The following LTA4H variants were observed in gnomAD, a reference collection of about 807,000 sequenced individuals.
LTA4H encodes the protein leukotriene A-4 hydrolase.
Under a neutral mutation model 89.8 loss-of-function variants are expected in LTA4H, and 59 were observed. That is an observed-to-expected ratio of 0.66 (90% CI 0.53 to 0.82). The LOEUF is 0.82. Among genes scored for constraint, LTA4H ranks in the 40% least tolerant of loss-of-function variants. The pLI is 0.00. For synonymous variants in LTA4H, 227 were observed against 253.1 expected, an observed-to-expected ratio of 0.90 and a Z score of 0.98; for missense variants, 617 against 727.0, an observed-to-expected ratio of 0.85 and a Z score of 1.74.
intron 6 of LTA4H, 45 bp downstream of exon 6, chr12:96,021,040 A>T: frequency 6.5e-7 from 1 of 1,529,518 alleles, no homozygotes; most frequent in Non-Finnish European, 8.9e-7. Context: ...AAGATGCCTA[A>T]GTTTTGATCT....
intron 1 of LTA4H, among the ~76,000 whole-genome samples, chr12:96,041,408 TC>T (rs1468153118): frequency 2.0e-5 from 3 of 152,286 alleles, no homozygotes; most frequent in Admixed American, 6.5e-5. Flanking sequence ...CAGAATGGTT[TC>T]CTCCCTTTGC....
intron 1 of LTA4H, among the ~76,000 whole-genome samples, chr12:96,031,229 G>C (rs1487816698): frequency 6.6e-6 from 1 of 152,156 alleles, no homozygotes; most frequent in Non-Finnish European, 1.5e-5. Context: ...TTCTAAAACA[G>C]AGAATGTTAC....
chr12:96,037,567 A>T (rs1566020988), upstream of LTA4H, among the ~76,000 whole-genome samples: 2 of 152,206 alleles, frequency 1.3e-5, no homozygotes, highest in Non-Finnish European at 2.9e-5. Flanking sequence ...GATGGAAGCC[A>T]GAGAGTAGTG....
At chr12:96,032,758 T>C (rs559709078) in intron 1 of LTA4H, among the ~76,000 whole-genome samples, 130 of 152,334 alleles carry the variant, frequency 8.5e-4, no homozygotes, top group African/African-American at 2.8e-3. Context: ...GAAATCACTA[T>C]TTTAAAATCT....
upstream of LTA4H, among the ~76,000 whole-genome samples, chr12:96,036,671 C>T (rs564777763): frequency 5.3e-5 from 8 of 152,206 alleles, no homozygotes; most frequent in East Asian, 1.9e-4. Context: ...TGAGAGGAGA[C>T]GAAGGTGGCC....
At chr12:96,017,718 G>A in intron 8 of LTA4H, 138 bp from the exon 9 acceptor site, 1 of 519,610 alleles carries the variant, frequency 1.9e-6, no homozygotes, top group East Asian at 3.3e-5. Context: ...GAAGGTAAAA[G>A]AGACCTTAAT....
At chr12:96,002,051 G>C (rs1167333128) in intron 18 of LTA4H, among the ~76,000 whole-genome samples, 1 of 152,076 alleles carries the variant, frequency 6.6e-6, no homozygotes, top group African/African-American at 2.4e-5. Flanking sequence ...TACAGACAGG[G>C]TTTCACTATG....
chr12:96,020,144 A>T (rs993293473), intron 6 of LTA4H, among the ~76,000 whole-genome samples: 3 of 152,020 alleles, frequency 2.0e-5, no homozygotes, highest in Admixed American at 2.0e-4. Flanking sequence ...GGCTCAAGCG[A>T]TCCTCCCACT....
Position 96,029,175 on chromosome 12 carries a change from G to A in LTA4H, c.170C>T (p.Thr57Ile). ...TACTTTTTCTATTGTAAGGTCCTTT[G>A]TATCCAAAACCTAAAATTAATATTT... Reference protein sequence around the residue: ...EDNLRSLVLDTKDLTIEKVVI... With the variant: ...EDNLRSLVLDIKDLTIEKVVI... The change falls in exon 2 of 19, where the codon ACA (threonine) becomes ATA (isoleucine). Residue 57 changes from threonine to isoleucine, a missense_variant. This residue lies in a region of LTA4H where 155 missense variants were observed against 143.3 expected (regional missense o/e 1.08). Coordinates refer to ENST00000228740, the MANE Select transcript of LTA4H (RefSeq NM_000895.3). 1 of 1,523,864 alleles carries A rather than the reference G, an allele frequency of 6.6e-7. No homozygotes were observed. The highest frequency in any genetic ancestry group is 1.2e-5 in the South Asian group (1 of 80,722). The allele number at this position is 1,523,864 out of a possible 1,614,324, so 94.4% of individuals were successfully genotyped here. A position where few individuals can be genotyped will look rare whatever the true frequency, so the allele number is the denominator to read the frequency against.
At chr12:96,019,990 A>T (rs60244281) in intron 6 of LTA4H, among the ~76,000 whole-genome samples, 1 of 144,446 alleles carries the variant, frequency 6.9e-6, no homozygotes, top group South Asian at 2.2e-4. Flanking sequence ...TGCAGCCTCC[A>T]CCTCCTGGGC....
intron 15 of LTA4H, among the ~76,000 whole-genome samples, chr12:96,008,036 A>T (rs1448824176): frequency 2.6e-5 from 4 of 152,324 alleles, no homozygotes; most frequent in Admixed American, 6.5e-5. Flanking sequence ...AAAAGTGGCA[A>T]CAATAGATAC....
intron 1 of LTA4H, among the ~76,000 whole-genome samples, chr12:96,041,540 A>C (rs1201237976): frequency 6.6e-6 from 1 of 151,748 alleles, no homozygotes; most frequent in Non-Finnish European, 1.5e-5. Flanking sequence ...AAATACATAC[A>C]CTTTTTATGT....
rs1031282446 is a variant in LTA4H at position 96,027,467 on chromosome 12, G to C, written c.388C>G (p.Pro130Ala). The change falls in exon 3 of 19, where the codon CCA becomes GCA. Residue 130 changes from proline to alanine, a missense_variant. Around this residue, in one of 3 missense-constraint regions of LTA4H, gnomAD observed 172 missense variants for 244.5 expected, o/e 0.70. Transcript: ENST00000228740. ...TPEQTSGKEH[P>A]YLFSQCQAIH... Reference sequence around the variant, plus strand: ...ACCTGGCACTGACTAAAGAGATATGGGTGTTCCTTCCCAGAAGTCTGTTCA... The same window carrying C: ...ACCTGGCACTGACTAAAGAGATATGCGTGTTCCTTCCCAGAAGTCTGTTCA... 2 of 1,609,042 alleles carry C rather than the reference G, an allele frequency of 1.2e-6. No individual in the cohort carries two copies. Among genetic ancestry groups the C allele is most frequent in the East Asian group, 4.5e-5 (2 of 44,562 alleles).
chr12:96,021,211 T>C (rs752786251), intron 5 of LTA4H, 74 bp from the exon 6 acceptor site: 30 of 1,134,776 alleles, frequency 2.6e-5, no homozygotes, highest in Non-Finnish European at 3.5e-5. Flanking sequence ...AGACAATTCA[T>C]ATTTAAAAGT....
intron 16 of LTA4H, among the ~76,000 whole-genome samples, chr12:96,004,999 A>T (rs77264080): frequency 0.016 from 2,485 of 152,156 alleles, 38 homozygotes; most frequent in Non-Finnish European, 0.027. Flanking sequence ...TCAAAATCCT[A>T]TTCCTAATTT....
chr12:96,035,619 A>C, upstream of LTA4H: 1 of 1,453,872 alleles, frequency 6.9e-7, no homozygotes, highest in Non-Finnish European at 9.1e-7. Context: ...GGTAAAGAAG[A>C]GGAGGAGGGA....
At chr12:96,042,274 G>A (rs1038885231) in intron 1 of LTA4H, among the ~76,000 whole-genome samples, 2 of 152,096 alleles carry the variant, frequency 1.3e-5, no homozygotes, top group African/African-American at 4.8e-5. Context: ...GAAAGTGCTG[G>A]TATGGCAGGC....
chr12:96,013,259 C>A lies in LTA4H; in HGVS notation c.1309-1G>T, dbSNP rs778739341. The stretch of plus-strand genomic sequence containing the variant: ...AATCAACTTGATTGAGAACATCAAC[C>A]TATGAATAGTAAGAATTCACAGTTT... On this transcript the variant is annotated splice_acceptor_variant, in intron 13 of 18. Transcript: ENST00000228740. LOFTEE classifies it high-confidence loss of function. 1.2e-6 allele frequency: 2 copies of A among 1,608,602 alleles called. No individual in the cohort carries two copies. Among genetic ancestry groups the A allele is most frequent in the African/African-American group, 2.7e-5 (2 of 74,782 alleles).
chr12:96,042,772 A>C (rs1056172345), intron 1 of LTA4H, among the ~76,000 whole-genome samples: 1 of 152,208 alleles, frequency 6.6e-6, no homozygotes, highest in African/African-American at 2.4e-5. Context: ...CGGTTACAGA[A>C]ATAAAAACTC....
Sources: allele counts gnomAD v4.1 joint callset (sites outside exome capture counted in the v4.1 genomes callset), GRCh38; gene constraint gnomAD v4.1.1; regional missense constraint gnomAD v4.1.1; transcripts MANE v1.5; gene names NCBI Gene and HGNC (gene_info 2026-07-23, HGNC 2026-07-21).